The following TSNARE1 variants were observed in gnomAD, a reference collection of about 807,000 sequenced individuals.
TSNARE1 encodes the protein t-SNARE domain-containing protein 1.
A neutral mutation model predicts 62.0 loss-of-function variants in TSNARE1; 49 were observed. The observed-to-expected ratio is 0.79, with a 90% CI of 0.63 to 1.00. The LOEUF is 1.00. TSNARE1 is among the 50% of genes least tolerant of loss of function. TSNARE1 has a pLI of 0.00. For synonymous variants in TSNARE1, 328 were observed against 294.4 expected (o/e 1.11, Z -1.17); for missense variants, 755 against 700.1 (o/e 1.08, Z -0.88).
At chr8:142,318,906 C>T (rs1829019540) in intron 6 of TSNARE1, among the ~76,000 whole-genome samples, 1 of 151,624 alleles carries the variant, frequency 6.6e-6, no homozygotes, top group Non-Finnish European at 1.5e-5. Flanking sequence ...ATGATTCCCA[C>T]AGAGAAAGAG....
chr8:142,277,418 G>A lies in TSNARE1; in HGVS notation c.1364-2555C>T, dbSNP rs1188956223. 5 of 985,268 alleles carry A rather than the reference G, an allele frequency of 5.1e-6. No individual in the cohort carries two copies. The African/African-American group carries it at 8.7e-5, about 17-fold the overall frequency. The allele number at this position is 985,268 out of a possible 1,614,324, so 61.0% of individuals were successfully genotyped here. ...CCCCCCTGCACTGGGTCAACTCGCTGCCCCCAGCCCCACAGCCGTGACCAG... is the reference window on the plus strand; with the variant it reads ...CCCCCCTGCACTGGGTCAACTCGCTACCCCCAGCCCCACAGCCGTGACCAG... On this transcript the variant is annotated intron_variant, in intron 11 of 13. Transcript: ENST00000524325.
chr8:142,399,739 A>G (rs938536595), intron 1 of TSNARE1, among the ~76,000 whole-genome samples: 3 of 152,190 alleles, frequency 2.0e-5, no homozygotes, highest in African/African-American at 4.8e-5. Flanking sequence ...ATCTGAGAGG[A>G]GGGCTGCTCA....
chr8:142,220,212 C>T (rs1394449005), intron 13 of TSNARE1, among the ~76,000 whole-genome samples: 1 of 152,172 alleles, frequency 6.6e-6, no homozygotes, highest in Non-Finnish European at 1.5e-5. Flanking sequence ...ATCCCTAATG[C>T]TCAGTGGCCC....
At chr8:142,277,334 A>G (rs1820667143) in intron 11 of TSNARE1, 2 of 985,150 alleles carry the variant, frequency 2.0e-6, no homozygotes, top group Non-Finnish European at 2.4e-6. Context: ...AGCAGCACAC[A>G]CACCTCAAAG....
chr8:142,282,948 G>C lies in TSNARE1; in HGVS notation c.1363+1465C>G, dbSNP rs192054677. 4.0e-3 allele frequency among the ~76,000 whole-genome samples: 593 copies of C among 149,624 alleles called. 4 individuals carry two copies. Among genetic ancestry groups the C allele is most frequent in the Middle Eastern group, 0.014 (4 of 280 alleles). On this transcript the variant is annotated intron_variant, in intron 11 of 13. Coordinates refer to ENST00000524325, the MANE Select transcript of TSNARE1 (RefSeq NM_145003.5). ...GGAGGTGGGGCCACTGTCTGTCAAT[G>C]AGCAGAGGGGAGGCCACTGTCTGTC...
chr8:142,236,645 C>T (rs1817439835), intron 12 of TSNARE1, among the ~76,000 whole-genome samples: 1 of 152,118 alleles, frequency 6.6e-6, no homozygotes, highest in African/African-American at 2.4e-5. Context: ...CACCAGGCTC[C>T]CCTAGACCCC....
intron 9 of TSNARE1, among the ~76,000 whole-genome samples, chr8:142,304,841 T>C (rs1056040498): frequency 1.3e-5 from 2 of 152,282 alleles, no homozygotes; most frequent in Non-Finnish European, 2.9e-5. Context: ...AGGGGGGACA[T>C]GGCCATACAC....
At chr8:142,214,062 G>A (rs1275797546) in intron 13 of TSNARE1, among the ~76,000 whole-genome samples, 1 of 152,206 alleles carries the variant, frequency 6.6e-6, no homozygotes, top group Non-Finnish European at 1.5e-5. Flanking sequence ...GTATGAGGGG[G>A]TCCTCAGGGC....
chr8:142,301,391 C>T (rs1295825984), intron 9 of TSNARE1, among the ~76,000 whole-genome samples: 7 of 129,422 alleles, frequency 5.4e-5, no homozygotes, highest in Non-Finnish European at 1.1e-4. Flanking sequence ...CCTTCCCCTC[C>T]CGTCAGGAGC....
At chr8:142,362,836 T>C (rs998520080) in intron 1 of TSNARE1, among the ~76,000 whole-genome samples, 2 of 152,228 alleles carry the variant, frequency 1.3e-5, no homozygotes, top group Non-Finnish European at 2.9e-5. Context: ...CAGCAAGTCC[T>C]GGCCCTTGAA....
Position 142,357,933 on chromosome 8 carries a change from G to A in TSNARE1, c.-39-3170C>T, listed in dbSNP as rs115832758. The stretch of plus-strand genomic sequence containing the variant: ...TCCATGAGAGGAGGGGGCGGCCAGC[G>A]GCCATCACTGCAAAGGGCGGCGGGG... On this transcript the variant is annotated intron_variant, in intron 1 of 13. Transcript: ENST00000524325. Among the ~76,000 whole-genome samples the A allele has an allele frequency of 7.0e-3, 1,061 of 152,044 alleles. 22 individuals carry two copies. Among genetic ancestry groups the A allele is most frequent in the African/African-American group, 0.024 (1,009 of 41,316 alleles).
At chr8:142,345,711 G>A in intron 3 of TSNARE1, 32 bp downstream of exon 3, 5 of 1,535,258 alleles carry the variant, frequency 3.3e-6, no homozygotes, top group Non-Finnish European at 4.4e-6. Context: ...GCCTTCCCAG[G>A]ACCCCTGAGA....
Position 142,345,726 on chromosome 8 carries a change from G to A in TSNARE1, c.238+17C>T. 1 of 1,572,418 alleles carries A rather than the reference G, an allele frequency of 6.4e-7. No homozygotes were observed. The highest frequency in any genetic ancestry group is 2.4e-5 in the East Asian group (1 of 41,918). On this transcript the variant is annotated intron_variant, in intron 3 of 13. Transcript: ENST00000524325. ...GCCTTCCCAGGACCCCTGAGACCCA[G>A]CGTCTGAGTGAAGTACCTCGCTTCC...
chr8:142,261,610 G>A (rs887505694), intron 12 of TSNARE1, among the ~76,000 whole-genome samples: 6 of 152,058 alleles, frequency 3.9e-5, no homozygotes, highest in African/African-American at 1.4e-4. Flanking sequence ...TCCTGGCGGA[G>A]GAAAGATCTG....
At chr8:142,272,064 T>C (rs980115384) in intron 12 of TSNARE1, among the ~76,000 whole-genome samples, 4 of 152,044 alleles carry the variant, frequency 2.6e-5, no homozygotes, top group East Asian at 1.9e-4. Flanking sequence ...TTCCTCCACA[T>C]AGACACGCCC....
chr8:142,283,477 G>T (rs1427164410), intron 11 of TSNARE1, among the ~76,000 whole-genome samples: 1 of 149,318 alleles, frequency 6.7e-6, no homozygotes, highest in African/African-American at 2.5e-5. Context: ...AACAGAGGCG[G>T]GGCCAGTGTC....
intron 12 of TSNARE1, among the ~76,000 whole-genome samples, chr8:142,240,809 GT>G (rs1317076478): frequency 6.6e-6 from 1 of 152,212 alleles, no homozygotes; most frequent in African/African-American, 2.4e-5. Context: ...GAAATATTAT[GT>G]ATCAAAACAC....
intron 2 of TSNARE1, among the ~76,000 whole-genome samples, chr8:142,346,234 G>A (rs768441771): frequency 2.0e-4 from 30 of 152,306 alleles, no homozygotes; most frequent in African/African-American, 6.3e-4. Flanking sequence ...TGGGAAGTGC[G>A]GCTCCAGCAT....
chr8:142,279,248 A>T (rs1311386095), intron 11 of TSNARE1, among the ~76,000 whole-genome samples: 5 of 152,204 alleles, frequency 3.3e-5, no homozygotes, highest in Admixed American at 2.6e-4. Context: ...GCTGGACTGC[A>T]TCTGGAAGGG....
Sources: allele counts gnomAD v4.1 joint callset (sites outside exome capture counted in the v4.1 genomes callset), GRCh38; gene constraint gnomAD v4.1.1; transcripts MANE v1.5; gene names NCBI Gene and HGNC (gene_info 2026-07-23, HGNC 2026-07-21).